The following CNOT4 variants were observed in gnomAD, a reference collection of about 807,000 sequenced individuals.
CNOT4 encodes CCR4-associated factor 4.
In CNOT4, 8 loss-of-function variants were observed where a neutral mutation model predicts 73.8. The ratio of observed to expected loss-of-function variants is 0.11; its 90% CI spans 0.06 to 0.20. CNOT4 has a LOEUF of 0.20. CNOT4 is among the 10% of genes least tolerant of loss of function. The pLI is 1.00. For synonymous variants in CNOT4, 293 were observed against 321.1 expected (o/e 0.91, Z 0.94); for missense variants, 564 against 883.4 (o/e 0.64, Z 4.58).
At chr7:135,483,585 G>A (rs935701511) in intron 1 of CNOT4, among the ~76,000 whole-genome samples, 16 of 152,136 alleles carry the variant, frequency 1.1e-4, no homozygotes, top group Admixed American at 8.5e-4. Context: ...AGCACTTTGG[G>A]AGAGCAGGGA....
At chr7:135,403,684 T>C (rs1797122263) in intron 7 of CNOT4, among the ~76,000 whole-genome samples, 1 of 152,218 alleles carries the variant, frequency 6.6e-6, no homozygotes, top group African/African-American at 2.4e-5. Flanking sequence ...AATATGATTT[T>C]AATTAGAATT....
intron 2 of CNOT4, among the ~76,000 whole-genome samples, chr7:135,435,978 C>T (rs1369058080): frequency 1.2e-4 from 18 of 151,684 alleles, no homozygotes; most frequent in Non-Finnish European, 2.7e-4. Flanking sequence ...GACCCAACTA[C>T]ACTGATATTT....
chr7:135,372,572 T>C (rs974556399), intron 10 of CNOT4, among the ~76,000 whole-genome samples: 2 of 149,064 alleles, frequency 1.3e-5, no homozygotes, highest in African/African-American at 5.2e-5. Flanking sequence ...TTTTTTTTTT[T>C]TGGAGACGGA....
At chr7:135,380,280 A>G (rs1470881623) in intron 10 of CNOT4, among the ~76,000 whole-genome samples, 1 of 152,142 alleles carries the variant, frequency 6.6e-6, no homozygotes, top group African/African-American at 2.4e-5. Flanking sequence ...CCATTTTGTA[A>G]TATTAGAGAT....
Position 135,398,176 on chromosome 7 carries a change from G to C in CNOT4, c.872C>G (p.Ser291Cys), listed in dbSNP as rs771045770. The change falls in exon 8 of 12, where the codon TCC (serine) becomes TGC (cysteine). Residue 291 changes from serine to cysteine, a missense_variant. Coordinates refer to ENST00000541284, the MANE Select transcript of CNOT4 (RefSeq NM_001190850.2). ...ACTGTATTCAAATCTTACCTGCTGGGAATTATCACCGTTCCCTATACTGAG... is the reference window on the plus strand; with the variant it reads ...ACTGTATTCAAATCTTACCTGCTGGCAATTATCACCGTTCCCTATACTGAG... ...DSLSIGNGDN[S>C]QQISNSDTPS... 5.9e-6 allele frequency: 9 copies of C among 1,530,852 alleles called. No homozygotes were observed. Among genetic ancestry groups the C allele is most frequent in the Non-Finnish European group, 8.1e-6 (9 of 1,105,548 alleles). The allele number at this position is 1,530,852 out of a possible 1,614,324, so 94.8% of individuals were successfully genotyped here. A position where few individuals can be genotyped will look rare whatever the true frequency, so the allele number is the denominator to read the frequency against.
Position 135,509,888 on chromosome 7 carries a change from C to G in CNOT4, c.-93+1G>C. The G allele has an allele frequency of 2.5e-6, 1 of 395,914 alleles. No homozygotes were observed. The highest frequency in any genetic ancestry group is 4.4e-6 in the Non-Finnish European group (1 of 224,726). The allele number at this position is 395,914 out of a possible 1,614,324, so 24.5% of individuals were successfully genotyped here. On this transcript the variant is annotated splice_donor_variant, in intron 1 of 11. Transcript: ENST00000541284. LOFTEE classifies it low-confidence loss of function (5UTR_SPLICE). ...CTAAGCCCAGCCCCGCATAGACTCA[C>G]CCGCCTGCCTTGCCTCGCTTTTCCC...
intron 1 of CNOT4, among the ~76,000 whole-genome samples, chr7:135,499,428 A>G (rs1563085797): frequency 6.6e-6 from 1 of 152,126 alleles, no homozygotes; most frequent in Non-Finnish European, 1.5e-5. Context: ...AAAGCACCCA[A>G]AGCACCCCCA....
chr7:135,429,791 C>G (rs956618787), intron 2 of CNOT4, among the ~76,000 whole-genome samples: 2 of 152,174 alleles, frequency 1.3e-5, no homozygotes, highest in African/African-American at 2.4e-5. Context: ...GGACTGTGAT[C>G]TCTGAGAAAA....
chr7:135,479,407 C>T lies in CNOT4; in HGVS notation c.-93+30482G>A, dbSNP rs1467178096. On this transcript the variant is annotated intron_variant, in intron 1 of 11. Transcript: ENST00000541284. The stretch of plus-strand genomic sequence containing the variant: ...TATTTCTTTAGTAGAGACAGGGTTT[C>T]GTTATGTTGGCTAGGATGGTCTCGA... Among the ~76,000 whole-genome samples the T allele has an allele frequency of 7.3e-5, 11 of 151,334 alleles. No homozygotes were observed. The East Asian group carries it at 1.4e-3, about 19-fold the overall frequency.
chr7:135,448,507 G>A (rs932547661), intron 1 of CNOT4, among the ~76,000 whole-genome samples: 1 of 140,154 alleles, frequency 7.1e-6, no homozygotes, highest in Admixed American at 7.1e-5. Flanking sequence ...ATCAGCCTGG[G>A]TGACAGAGCA....
intron 1 of CNOT4, among the ~76,000 whole-genome samples, chr7:135,458,301 T>C (rs1300427245): frequency 6.6e-6 from 1 of 152,146 alleles, no homozygotes; most frequent in African/African-American, 2.4e-5. Context: ...AATACTTTAC[T>C]GCTAAAAAAT....
chr7:135,488,139 CA>C (rs201584127), intron 1 of CNOT4, among the ~76,000 whole-genome samples: 79 of 149,006 alleles, frequency 5.3e-4, no homozygotes, highest in East Asian at 1.8e-3. Context: ...GGATTTTTTT[CA>C]AAAAAAAAAT....
intron 7 of CNOT4, among the ~76,000 whole-genome samples, chr7:135,403,076 T>C (rs1797087330): frequency 6.6e-6 from 1 of 152,246 alleles, no homozygotes; most frequent in South Asian, 2.1e-4. Context: ...GATTTTTACT[T>C]ACATTTTAAA....
At chr7:135,430,025 G>A (rs911732190) in intron 2 of CNOT4, among the ~76,000 whole-genome samples, 1 of 152,186 alleles carries the variant, frequency 6.6e-6, no homozygotes, top group Non-Finnish European at 1.5e-5. Context: ...TATTGTGATA[G>A]CTAGTTTTCA....
intron 1 of CNOT4, among the ~76,000 whole-genome samples, chr7:135,479,317 T>C (rs1481529659): frequency 6.7e-6 from 1 of 150,258 alleles, no homozygotes; most frequent in Non-Finnish European, 1.5e-5. Context: ...CAAGCAGTTC[T>C]TCAGCATCAG....
intron 10 of CNOT4, among the ~76,000 whole-genome samples, chr7:135,373,915 T>C (rs1409379181): frequency 6.6e-6 from 1 of 152,154 alleles, no homozygotes; most frequent in Non-Finnish European, 1.5e-5. Flanking sequence ...TAAAACAGAT[T>C]TGGGGCTTGA....
chr7:135,509,342 C>T (rs1255126746), intron 1 of CNOT4, among the ~76,000 whole-genome samples: 1 of 151,916 alleles, frequency 6.6e-6, no homozygotes, highest in Non-Finnish European at 1.5e-5. Context: ...ATTGCAAGCA[C>T]CAGAGGGGGG....
At chr7:135,424,195 T>A (rs1798366496) in intron 2 of CNOT4, among the ~76,000 whole-genome samples, 1 of 152,106 alleles carries the variant, frequency 6.6e-6, no homozygotes, top group South Asian at 2.1e-4. Context: ...TACGTAGTCA[T>A]CCACATTTAA....
At chr7:135,491,136 T>A (rs1350891258) in intron 1 of CNOT4, among the ~76,000 whole-genome samples, 3 of 152,122 alleles carry the variant, frequency 2.0e-5, no homozygotes, top group Non-Finnish European at 4.4e-5. Flanking sequence ...AAGCAAGAAT[T>A]CCATTTTGGA....
Sources: gnomAD v4.1 joint callset for allele counts (sites outside exome capture counted in the v4.1 genomes callset) on GRCh38, gnomAD v4.1.1 for gene constraint, MANE v1.5 for transcripts, NCBI Gene and HGNC (gene_info 2026-07-23, HGNC 2026-07-21) for gene names.